Variants in CNTNAP2 observed in about 807,000 individuals in gnomAD.
CNTNAP2 encodes contactin associated protein 2.
Under a neutral mutation model 155.2 loss-of-function variants are expected in CNTNAP2, and 98 were observed. The ratio of observed to expected loss-of-function variants is 0.63; its 90% CI spans 0.54 to 0.75. The LOEUF is 0.75. Ranked by LOEUF, CNTNAP2 falls within the 30% of genes least tolerant of loss-of-function variation. The pLI is 0.00. For synonymous variants in CNTNAP2, 651 were observed against 631.2 expected (o/e 1.03, Z -0.47); for missense variants, 1,727 against 1,688.1 (o/e 1.02, Z -0.40).
intron 14 of CNTNAP2, among the ~76,000 whole-genome samples, chr7:147,932,946 T>C (rs1254587225): frequency 6.6e-6 from 1 of 152,070 alleles, no homozygotes; most frequent in Non-Finnish European, 1.5e-5. Context: ...AACTGGGCAA[T>C]AGATACATAA....
chr7:147,995,541 T>A (rs1317880795), intron 15 of CNTNAP2, among the ~76,000 whole-genome samples: 1 of 151,730 alleles, frequency 6.6e-6, no homozygotes, highest in Non-Finnish European at 1.5e-5. Flanking sequence ...TGTTTTTTTT[T>A]TTTTGAGATG....
chr7:147,457,218 T>G (rs1432472580), intron 10 of CNTNAP2, among the ~76,000 whole-genome samples: 1 of 152,160 alleles, frequency 6.6e-6, no homozygotes, highest in Non-Finnish European at 1.5e-5. Flanking sequence ...GATGAAAAAG[T>G]AATGTTGGAA....
chr7:146,991,707 G>T (rs1254521072), intron 3 of CNTNAP2, among the ~76,000 whole-genome samples: 1 of 152,096 alleles, frequency 6.6e-6, no homozygotes, highest in Non-Finnish European at 1.5e-5. Context: ...ATTCAATTTT[G>T]CTCGTGGAAA....
chr7:147,398,887 T>A (rs556572919), intron 10 of CNTNAP2, among the ~76,000 whole-genome samples: 6 of 151,086 alleles, frequency 4.0e-5, no homozygotes, highest in African/African-American at 1.2e-4. Context: ...ATCTAGCAAG[T>A]GAGAAGGAAT....
At chr7:148,212,545 G>T (rs770378974) in intron 18 of CNTNAP2, among the ~76,000 whole-genome samples, 15 of 152,106 alleles carry the variant, frequency 9.9e-5, no homozygotes, top group Non-Finnish European at 2.2e-4. Flanking sequence ...GTCTATATCT[G>T]TTAGTATTGT....
At chr7:147,695,321 A>T (rs1041454955) in intron 13 of CNTNAP2, among the ~76,000 whole-genome samples, 4 of 152,050 alleles carry the variant, frequency 2.6e-5, no homozygotes, top group Non-Finnish European at 1.5e-5. Context: ...TGGCTGTTGG[A>T]TGAAGTAGTT....
At chr7:147,134,022 T>A (rs2129285623) in intron 8 of CNTNAP2, among the ~76,000 whole-genome samples, 1 of 152,114 alleles carries the variant, frequency 6.6e-6, no homozygotes, top group East Asian at 1.9e-4. Flanking sequence ...AGCAAATGTT[T>A]GCCACAGTTG....
chr7:146,747,086 G>A (rs181198920), intron 1 of CNTNAP2, among the ~76,000 whole-genome samples: 89 of 152,120 alleles, frequency 5.9e-4, no homozygotes, highest in Middle Eastern at 3.4e-3. Flanking sequence ...TAGTATGCTC[G>A]TTACTTACAT....
chr7:147,483,049 T>A (rs1407767861), intron 10 of CNTNAP2, among the ~76,000 whole-genome samples: 1 of 151,506 alleles, frequency 6.6e-6, no homozygotes, highest in African/African-American at 2.4e-5. Context: ...AATAAATCAG[T>A]AAATAAATTA....
intron 15 of CNTNAP2, among the ~76,000 whole-genome samples, chr7:148,071,519 A>G (rs1585110083): frequency 2.0e-5 from 3 of 152,130 alleles, no homozygotes; most frequent in South Asian, 2.1e-4. Flanking sequence ...TGGATAAAAT[A>G]TCTAGTGTGA....
chr7:146,311,511 C>T (rs1236290502), intron 1 of CNTNAP2, among the ~76,000 whole-genome samples: 2 of 149,882 alleles, frequency 1.3e-5, no homozygotes, highest in African/African-American at 5.0e-5. Context: ...GTGGCTCAGA[C>T]CTGTAATTCT....
intron 3 of CNTNAP2, among the ~76,000 whole-genome samples, chr7:146,984,816 C>G (rs992006989): frequency 6.6e-6 from 1 of 152,182 alleles, no homozygotes; most frequent in African/African-American, 2.4e-5. Flanking sequence ...AGTGGAAATG[C>G]TATAAATCAG....
At chr7:146,302,929 A>G (rs879453999) in intron 1 of CNTNAP2, among the ~76,000 whole-genome samples, 4 of 152,182 alleles carry the variant, frequency 2.6e-5, no homozygotes, top group African/African-American at 4.8e-5. Flanking sequence ...ATTCAACAAG[A>G]GTTACCAGTT....
intron 3 of CNTNAP2, among the ~76,000 whole-genome samples, chr7:146,918,626 T>G (rs138416656): frequency 6.6e-6 from 1 of 152,336 alleles, no homozygotes; most frequent in East Asian, 1.9e-4. Flanking sequence ...TTCCTTTATC[T>G]TGAATTTAGA....
intron 8 of CNTNAP2, among the ~76,000 whole-genome samples, chr7:147,216,137 T>C (rs1392307827): frequency 1.3e-5 from 2 of 151,980 alleles, no homozygotes; most frequent in Non-Finnish European, 2.9e-5. Context: ...TGTGTTTTTT[T>C]TTTCATCTTC....
intron 9 of CNTNAP2, among the ~76,000 whole-genome samples, chr7:147,379,797 A>G (rs572397966): frequency 8.5e-5 from 13 of 152,118 alleles, no homozygotes; most frequent in African/African-American, 2.9e-4. Flanking sequence ...GCACAGGTCT[A>G]TTACTTGATT....
chr7:146,228,531 A>G (rs1048385306), intron 1 of CNTNAP2, among the ~76,000 whole-genome samples: 1 of 152,214 alleles, frequency 6.6e-6, no homozygotes, highest in African/African-American at 2.4e-5. Flanking sequence ...TATTTTCAGT[A>G]TATGTATATA....
chr7:147,858,706 A>G (rs1264439414), intron 13 of CNTNAP2, among the ~76,000 whole-genome samples: 1 of 152,170 alleles, frequency 6.6e-6, no homozygotes, highest in East Asian at 1.9e-4. Flanking sequence ...ATAGCCACAC[A>G]GGGAGGGCGC....
At chr7:147,734,369 C>T (rs550686678) in intron 13 of CNTNAP2, among the ~76,000 whole-genome samples, 73 of 152,290 alleles carry the variant, frequency 4.8e-4, no homozygotes, top group African/African-American at 1.7e-3. Flanking sequence ...ATGAAGCCCA[C>T]TTGATCATGG....
Sources: gnomAD v4.1 joint callset for allele counts (sites outside exome capture counted in the v4.1 genomes callset) on GRCh38, gnomAD v4.1.1 for gene constraint, MANE v1.5 for transcripts, NCBI Gene and HGNC (gene_info 2026-07-23, HGNC 2026-07-21) for gene names.